The following PRSS3 variants were observed in gnomAD, a reference collection of about 807,000 sequenced individuals.
PRSS3 encodes trypsin-3.
A neutral mutation model predicts 20.8 loss-of-function variants in PRSS3; 14 were observed. That is an observed-to-expected ratio of 0.67 (90% CI 0.44 to 1.05). The LOEUF is 1.05. PRSS3 is among the 50% of genes least tolerant of loss of function. PRSS3 has a pLI of 0.00. For missense variants in PRSS3, 237 were observed against 306.4 expected (o/e 0.77, Z 1.69); for synonymous variants, 91 against 117.6 (o/e 0.77, Z 1.46).
upstream of PRSS3, among the ~76,000 whole-genome samples, chr9:33,790,709 T>C (rs976008690): frequency 6.6e-6 from 1 of 152,244 alleles, no homozygotes; most frequent in Non-Finnish European, 1.5e-5. Flanking sequence ...CACATGTGCA[T>C]AAATGCATGC....
chr9:33,796,681 G>A lies in PRSS3; in HGVS notation c.79G>A (p.Gly27Ser). 6.2e-7 allele frequency: 1 copy of A among 1,612,400 alleles called. No homozygotes were observed. Among genetic ancestry groups the A allele is most frequent in the Non-Finnish European group, 8.5e-7 (1 of 1,179,174 alleles). The change falls in exon 2 of 5, where the codon GGC becomes AGC. Residue 27 changes from glycine to serine, a missense_variant. Coordinates refer to ENST00000379405, the MANE Select transcript of PRSS3 (RefSeq NM_002771.4). The stretch of plus-strand genomic sequence containing the variant: ...TGACGATGATGACAAGATTGTTGGG[G>A]GCTACACCTGTGAGGAGAATTCTCT... ...PFDDDDKIVG[G>S]YTCEENSLPY...
chr9:33,786,376 A>G lies in PRSS3; in HGVS notation c.-52-8370A>G, dbSNP rs1249713397. 19 of 629,456 alleles carry G rather than the reference A, an allele frequency of 3.0e-5. No homozygotes were observed. The East Asian group carries it at 4.9e-4, about 16-fold the overall frequency. The allele number at this position is 629,456 out of a possible 1,614,324, so 39.0% of individuals were successfully genotyped here. Reference sequence around the variant, plus strand: ...AAGATGAAGGGGATATGTTAGATTAAAGGACCATAACAGAGTAATTGTCGG... The same window carrying G: ...AAGATGAAGGGGATATGTTAGATTAGAGGACCATAACAGAGTAATTGTCGG... On this transcript the variant is annotated intron_variant, in intron 1 of 5. Transcript: ENST00000342836.
intron 1 of PRSS3, chr9:33,786,453 T>C (rs1824415126): frequency 2.8e-6 from 2 of 707,810 alleles, no homozygotes; most frequent in Non-Finnish European, 5.1e-6. Flanking sequence ...TGAGGTGGTA[T>C]TGGAGAGATA....
chr9:33,761,203 G>A (rs1823185342), intron 1 of PRSS3, among the ~76,000 whole-genome samples: 1 of 152,218 alleles, frequency 6.6e-6, no homozygotes, highest in Non-Finnish European at 1.5e-5. Context: ...AAATGGCATA[G>A]CCTACTACAC....
At chr9:33,793,618 C>T (rs957538939), upstream of PRSS3, 13 of 872,244 alleles carry the variant, frequency 1.5e-5, no homozygotes, top group Non-Finnish European at 1.8e-5. Flanking sequence ...CACAGTTTGT[C>T]CTCTGGGGAC....
intron 3 of PRSS3, 50 bp from the exon 4 acceptor site, chr9:33,798,436 T>G (rs1482772497): frequency 6.2e-7 from 1 of 1,609,714 alleles, no homozygotes; most frequent in Non-Finnish European, 8.5e-7. Context: ...TCTCCTTCTC[T>G]GGCCTCACCC....
upstream of PRSS3, among the ~76,000 whole-genome samples, chr9:33,792,690 A>G (rs1824687610): frequency 6.6e-6 from 1 of 152,238 alleles, no homozygotes; most frequent in African/African-American, 2.4e-5. Context: ...TACCTCCAGA[A>G]AGCTCATTTA....
chr9:33,750,748 G>C lies in PRSS3; in HGVS notation c.-53+21G>C. 1 of 1,423,046 alleles carries C rather than the reference G, an allele frequency of 7.0e-7. No homozygotes were observed. The highest frequency in any genetic ancestry group is 1.5e-5 in the South Asian group (1 of 66,836). 88.2% of individuals were successfully genotyped at this position (1,423,046 alleles called of 1,614,324 possible). ...CACAGGTCAGACGTCAGTACCCGCA[G>C]GGGGCTTGAAACTGGAGGAGGGCTC... On this transcript the variant is annotated intron_variant, in intron 1 of 5. Transcript: ENST00000342836. The surrounding 1 kb of genome is among the most constrained non-coding windows in gnomAD (Gnocchi z 4.8).
rs183734095 is a variant in PRSS3, at chr9:33,767,733, G to A, written c.-53+17006G>A. The stretch of plus-strand genomic sequence containing the variant: ...CCAGCTACTCAGGAGGCTGAGGCAG[G>A]AGAATCACTTGAACCCAGGAGGCAG... On this transcript the variant is annotated intron_variant, in intron 1 of 5. Coordinates refer to the PRSS3 transcript ENST00000342836. 2.2e-4 allele frequency among the ~76,000 whole-genome samples: 33 copies of A among 152,142 alleles called. No homozygotes were observed. The East Asian group carries it at 5.8e-3, about 27-fold the overall frequency.
intron 1 of PRSS3, chr9:33,786,947 T>C: frequency 1.7e-6 from 1 of 591,198 alleles, no homozygotes; most frequent in Non-Finnish European, 3.0e-6. Context: ...ACCACAGCTC[T>C]TGGGTAGACA....
intron 1 of PRSS3, among the ~76,000 whole-genome samples, chr9:33,771,872 TC>T: frequency 7.4e-6 from 1 of 134,944 alleles, no homozygotes; most frequent in Admixed American, 7.4e-5. Context: ...TTCTTTCTTT[TC>T]TTTTTTTTTT....
At chr9:33,792,060 C>T (rs1224495987), upstream of PRSS3, among the ~76,000 whole-genome samples, 4 of 152,150 alleles carry the variant, frequency 2.6e-5, no homozygotes, top group Non-Finnish European at 4.4e-5. Context: ...CTGGATCATA[C>T]AGAGCACTCC....
intron 1 of PRSS3, among the ~76,000 whole-genome samples, chr9:33,771,482 C>T (rs1286587995): frequency 2.0e-5 from 3 of 151,510 alleles, no homozygotes; most frequent in Non-Finnish European, 2.9e-5. Context: ...CCCACCACCA[C>T]GCCCGGCTGA....
chr9:33,754,263 G>A (rs1256825590), intron 1 of PRSS3, among the ~76,000 whole-genome samples: 1 of 151,748 alleles, frequency 6.6e-6, no homozygotes, highest in Non-Finnish European at 1.5e-5. Context: ...GTAGAGACGG[G>A]GTTTCACCAT....
At chr9:33,755,182 G>A (rs1028728236) in intron 1 of PRSS3, among the ~76,000 whole-genome samples, 18 of 152,170 alleles carry the variant, frequency 1.2e-4, no homozygotes, top group African/African-American at 2.4e-5. Flanking sequence ...ACCGAATGTC[G>A]GGTAGTTTAG....
chr9:33,797,272 T>G (rs1825011797), intron 2 of PRSS3, among the ~76,000 whole-genome samples: 1 of 139,596 alleles, frequency 7.2e-6, no homozygotes, highest in Non-Finnish European at 1.6e-5. Flanking sequence ...CAAAACCACC[T>G]GCAGGCTTAT....
intron 1 of PRSS3, among the ~76,000 whole-genome samples, chr9:33,784,666 C>G (rs1183389477): frequency 6.6e-6 from 1 of 152,170 alleles, no homozygotes; most frequent in Non-Finnish European, 1.5e-5. Flanking sequence ...TTTAATAGAA[C>G]ATCGTATAAT....
rs555323347 is a variant in PRSS3, at chr9:33,770,401, C to A, written c.-53+19674C>A. On this transcript the variant is annotated intron_variant, in intron 1 of 5. Transcript: ENST00000342836. ...GACGATACTTACATGAGATTTTGGA[C>A]TTACAGTTGATGCTGGTCTGGGTTA... 2.6e-5 allele frequency among the ~76,000 whole-genome samples: 4 copies of A among 152,288 alleles called. No individual in the cohort carries two copies. The East Asian group carries it at 7.7e-4, about 29-fold the overall frequency.
At position 33,756,444 on chromosome 9, in the gene PRSS3, A is replaced by T. The variant is rs1431442307; in HGVS notation, c.-53+5717A>T. Among the ~76,000 whole-genome samples, 4 of 152,146 alleles carry T rather than the reference A, an allele frequency of 2.6e-5. No individual in the cohort carries two copies. The East Asian group carries it at 7.7e-4, about 29-fold the overall frequency. The stretch of plus-strand genomic sequence containing the variant: ...TCCTAGGTATTTTATAGGTCTTTTC[A>T]ATCCAAAAATTACATTCTTCGGTTC... On this transcript the variant is annotated intron_variant, in intron 1 of 5. Coordinates refer to the PRSS3 transcript ENST00000342836.
Sources: gnomAD v4.1 joint callset for allele counts (sites outside exome capture counted in the v4.1 genomes callset) on GRCh38, gnomAD v4.1.1 for gene constraint, Gnocchi (gnomAD v3.1) non-coding constraint, MANE v1.5 for transcripts, NCBI Gene and HGNC (gene_info 2026-07-23, HGNC 2026-07-21) for gene names.